Variants in ST6GAL2 observed in about 807,000 individuals in gnomAD.
ST6GAL2 encodes beta-galactoside alpha-2,6-sialyltransferase 2.
In ST6GAL2, 24 loss-of-function variants were observed where a neutral mutation model predicts 37.5. That is an observed-to-expected ratio of 0.64 (90% CI 0.46 to 0.90). The LOEUF (loss-of-function observed/expected upper bound fraction) is 0.90, where lower values mean the gene tolerates loss of function less well. Among genes scored for constraint, ST6GAL2 ranks in the 40% least tolerant of loss-of-function variants. ST6GAL2 has a pLI of 0.00. For missense variants in ST6GAL2, 715 were observed against 712.7 expected, an observed-to-expected ratio of 1.00 and a Z score of -0.04; for synonymous variants, 306 against 295.1, an observed-to-expected ratio of 1.04 and a Z score of -0.38.
chr2:106,865,285 C>T (rs1677976927), intron 1 of ST6GAL2, among the ~76,000 whole-genome samples: 1 of 152,150 alleles, frequency 6.6e-6, no homozygotes, highest in African/African-American at 2.4e-5. Flanking sequence ...GAAAACTCTG[C>T]CCTTAGAAGG....
chr2:106,870,953 C>G (rs1678238939), intron 1 of ST6GAL2, among the ~76,000 whole-genome samples: 3 of 152,086 alleles, frequency 2.0e-5, no homozygotes, highest in African/African-American at 7.2e-5. Flanking sequence ...TATAGTCATG[C>G]CATGCTAATG....
intron 1 of ST6GAL2, among the ~76,000 whole-genome samples, chr2:106,878,281 AG>A (rs1678591530): frequency 6.6e-6 from 1 of 152,140 alleles, no homozygotes; most frequent in Non-Finnish European, 1.5e-5. Flanking sequence ...TGGGCAACAG[AG>A]TGAGACCCTG....
At chr2:106,809,711 T>TC (rs1472914428) in intron 5 of ST6GAL2, among the ~76,000 whole-genome samples, 15 of 152,322 alleles carry the variant, frequency 9.8e-5, no homozygotes, top group African/African-American at 3.4e-4. Flanking sequence ...TAACAAGCGT[T>TC]CCCTTTAGGT....
At chr2:106,835,962 A>G (rs1676618261) in intron 2 of ST6GAL2, among the ~76,000 whole-genome samples, 1 of 152,222 alleles carries the variant, frequency 6.6e-6, no homozygotes, top group Admixed American at 6.5e-5. Flanking sequence ...ATAATATTTG[A>G]GGTAGAAAAA....
At chr2:106,863,686 C>T (rs546682234) in intron 1 of ST6GAL2, among the ~76,000 whole-genome samples, 9 of 152,312 alleles carry the variant, frequency 5.9e-5, no homozygotes, top group Non-Finnish European at 1.0e-4. Context: ...TAATTAACCT[C>T]TCCCATCCCC....
At chr2:106,818,475 T>TA (rs34730405) in intron 5 of ST6GAL2, among the ~76,000 whole-genome samples, 13,912 of 152,204 alleles carry the variant, frequency 0.091, 889 homozygotes, top group African/African-American at 0.13. Context: ...ACCAAGGCAG[T>TA]ACCTCTACAA....
intron 5 of ST6GAL2, among the ~76,000 whole-genome samples, chr2:106,827,874 G>T (rs1216109283): frequency 1.3e-5 from 2 of 152,146 alleles, no homozygotes; most frequent in African/African-American, 4.8e-5. Context: ...CTCATCTGTG[G>T]ATATTCAGGG....
In ST6GAL2 at chr2:106,818,493, A is replaced by G. The variant is rs528979683; in HGVS notation, c.1319-11544T>C. The stretch of plus-strand genomic sequence containing the variant: ...AAGGCAGTACCTCTACAAGTCTGCA[A>G]GGGCCACAGTGTTACTGGGCTTGGG... On this transcript the variant is annotated intron_variant, in intron 5 of 5. Coordinates refer to ENST00000409382, the MANE Select transcript of ST6GAL2 (RefSeq NM_001142351.2). Among the ~76,000 whole-genome samples the G allele has an allele frequency of 3.3e-5, 5 of 152,334 alleles. No homozygotes were observed. The South Asian group carries it at 1.0e-3, about 32-fold the overall frequency.
At chr2:106,821,091 C>T (rs1367621840) in intron 5 of ST6GAL2, among the ~76,000 whole-genome samples, 1 of 151,452 alleles carries the variant, frequency 6.6e-6, no homozygotes. Flanking sequence ...CTTTAAAAAG[C>T]AGAAAAGCAA....
intron 1 of ST6GAL2, among the ~76,000 whole-genome samples, chr2:106,882,056 A>C (rs918328757): frequency 2.0e-5 from 3 of 152,176 alleles, no homozygotes; most frequent in African/African-American, 7.2e-5. Flanking sequence ...GACTGCCTGG[A>C]TATTCCACAT....
intron 1 of ST6GAL2, among the ~76,000 whole-genome samples, chr2:106,878,762 A>C (rs944234749): frequency 1.3e-5 from 2 of 152,166 alleles, no homozygotes; most frequent in Admixed American, 1.3e-4. Flanking sequence ...TTGAGCATCC[A>C]TGGATTAGGG....
Position 106,836,773 on chromosome 2 carries a change from CAA to C in ST6GAL2, c.944-2629_944-2628del, listed in dbSNP as rs70956213. Among the ~76,000 whole-genome samples, 660 of 70,234 alleles carry C rather than the reference CAA, an allele frequency of 9.4e-3. 4 individuals carry two copies. Among genetic ancestry groups the C allele is most frequent in the East Asian group, 0.035 (80 of 2,286 alleles). The allele number at this position is 70,234 out of a possible 152,430, so 46.1% of individuals were successfully genotyped here. A position where few individuals can be genotyped will look rare whatever the true frequency, so the allele number is the denominator to read the frequency against. On this transcript the variant is annotated intron_variant, in intron 2 of 5. Transcript: ENST00000409382. Reference sequence around the variant, plus strand: ...AGAAACCCCGTCTCTACTAAAAATACAAAAAAAAAAAAAAAAAAAAAAAATTA... The same window carrying C: ...AGAAACCCCGTCTCTACTAAAAATACAAAAAAAAAAAAAAAAAAAAAATTA...
At chr2:106,852,263 G>A (rs1230702155) in intron 1 of ST6GAL2, among the ~76,000 whole-genome samples, 1 of 152,222 alleles carries the variant, frequency 6.6e-6, no homozygotes, top group African/African-American at 2.4e-5. Context: ...GGATTGCCAA[G>A]TCCTTGCCTC....
chr2:106,867,817 G>A (rs1211100588), intron 1 of ST6GAL2, among the ~76,000 whole-genome samples: 1 of 152,114 alleles, frequency 6.6e-6, no homozygotes, highest in African/African-American at 2.4e-5. Flanking sequence ...TTAAAATTCT[G>A]TTTGCTTGTG....
intron 1 of ST6GAL2, among the ~76,000 whole-genome samples, chr2:106,879,457 A>G (rs1258328810): frequency 6.6e-6 from 1 of 152,114 alleles, no homozygotes; most frequent in Non-Finnish European, 1.5e-5. Context: ...CACCCCATGA[A>G]TGTTATTCTA....
chr2:106,845,503 A>AC (rs1281464028), intron 1 of ST6GAL2, among the ~76,000 whole-genome samples: 2 of 151,930 alleles, frequency 1.3e-5, no homozygotes, highest in African/African-American at 4.8e-5. Flanking sequence ...GAAATGTGTG[A>AC]CCCCCACGAT....
At chr2:106,884,919 A>ATG (rs1459598887) in intron 1 of ST6GAL2, among the ~76,000 whole-genome samples, 6 of 119,038 alleles carry the variant, frequency 5.0e-5, no homozygotes, top group Non-Finnish European at 8.4e-5. Context: ...ATATATATAT[A>ATG]TATATATATA....
At chr2:106,856,949 A>G (rs571078827) in intron 1 of ST6GAL2, among the ~76,000 whole-genome samples, 8 of 152,342 alleles carry the variant, frequency 5.3e-5, no homozygotes, top group African/African-American at 1.4e-4. Flanking sequence ...GGTTTCATAA[A>G]ATAAGTGTAA....
intron 1 of ST6GAL2, among the ~76,000 whole-genome samples, chr2:106,875,829 T>C (rs12475624): frequency 0.62 from 94,045 of 151,606 alleles, 30,308 homozygotes; most frequent in Non-Finnish European, 0.74. Context: ...GGGATAGAAA[T>C]ATATCATCTA....
Sources: allele counts gnomAD v4.1 joint callset (sites outside exome capture counted in the v4.1 genomes callset), GRCh38; gene constraint gnomAD v4.1.1; transcripts MANE v1.5; gene names NCBI Gene and HGNC (gene_info 2026-07-23, HGNC 2026-07-21).